Variants in SNX24 observed in about 807,000 individuals in gnomAD.
The protein encoded by SNX24 is sorting nexin 24.
A neutral mutation model predicts 28.7 loss-of-function variants in SNX24; 22 were observed. That is an observed-to-expected ratio of 0.77 (90% confidence interval 0.55 to 1.10). The LOEUF (loss-of-function observed/expected upper bound fraction) is 1.10. Among genes scored for constraint, SNX24 ranks in the 50% least tolerant of loss-of-function variants. SNX24 has a pLI of 0.00. For synonymous variants in SNX24, 69 were observed against 71.5 expected (o/e 0.96, Z 0.18); for missense variants, 221 against 201.1 (o/e 1.10, Z -0.60).
intron 3 of SNX24, among the ~76,000 whole-genome samples, chr5:122,989,389 G>A (rs1761736350): frequency 6.6e-6 from 1 of 152,054 alleles, no homozygotes; most frequent in African/African-American, 2.4e-5. Flanking sequence ...GGAAAGGGGT[G>A]GAGAAATGAG....
At position 122,950,482 on chromosome 5, in the gene SNX24, G is replaced by T. The variant is rs372043810; in HGVS notation, c.249+4323G>T. ...GCTCCTCTCTGCTTCCATGGTGCAG[G>T]CTTCATCTGGCCCCCATAGTGGTAC... On this transcript the variant is annotated intron_variant, in intron 3 of 6. Coordinates refer to ENST00000261369, the MANE Select transcript of SNX24 (RefSeq NM_014035.4). 1.1e-4 allele frequency among the ~76,000 whole-genome samples: 16 copies of T among 152,246 alleles called. No individual in the cohort carries two copies. In the East Asian group the frequency reaches 2.9e-3, roughly 28 times the overall value.
intron 1 of SNX24, among the ~76,000 whole-genome samples, chr5:122,924,042 C>T (rs1192534985): frequency 2.0e-5 from 3 of 152,248 alleles, no homozygotes; most frequent in African/African-American, 4.8e-5. Context: ...GCTTTGGATT[C>T]CATTTTGATT....
chr5:123,007,648 C>CTTTTTTTTTTTTTTTTTTTT (rs112542774), intron 6 of SNX24, 34 bp from the exon 7 acceptor site: 1 of 1,389,030 alleles, frequency 7.2e-7, no homozygotes, highest in Non-Finnish European at 9.8e-7. Flanking sequence ...AGCAGTTTTT[C>CTTTTTTTTTTTTTTTTTTTT]TTTTTTTTTT....
At chr5:122,912,296 C>T (rs1156312638) in intron 1 of SNX24, among the ~76,000 whole-genome samples, 2 of 145,814 alleles carry the variant, frequency 1.4e-5, no homozygotes, top group African/African-American at 5.2e-5. Flanking sequence ...TATAAGAATG[C>T]TTGTGATTTT....
chr5:123,012,421 G>GT (rs1237600058), downstream of SNX24, among the ~76,000 whole-genome samples: 1 of 152,154 alleles, frequency 6.6e-6, no homozygotes, highest in Non-Finnish European at 1.5e-5. Context: ...AGCAAATACT[G>GT]TATGATTCCA....
chr5:122,992,686 T>G (rs1349467150), intron 3 of SNX24, among the ~76,000 whole-genome samples: 2 of 152,252 alleles, frequency 1.3e-5, no homozygotes, highest in Non-Finnish European at 2.9e-5. Context: ...TAATTCAGTT[T>G]GTAATTTCAC....
At chr5:122,991,542 C>T (rs1761849901) in intron 3 of SNX24, among the ~76,000 whole-genome samples, 3 of 152,200 alleles carry the variant, frequency 2.0e-5, no homozygotes, top group Non-Finnish European at 4.4e-5. Context: ...TTACTGCAAC[C>T]TCTGCCTCCC....
intron 1 of SNX24, among the ~76,000 whole-genome samples, chr5:122,873,592 G>A (rs1392311233): frequency 6.6e-6 from 1 of 151,988 alleles, no homozygotes; most frequent in African/African-American, 2.4e-5. Context: ...TGGAGTGTGA[G>A]GCACAATTTC....
In SNX24 at chr5:123,014,333, A is replaced by ATTTTTT. The variant is rs70988553; in HGVS notation, n.383+12353_383+12358dup. Among the ~76,000 whole-genome samples, 37 of 77,302 alleles carry ATTTTTT rather than the reference A, an allele frequency of 4.8e-4. 5 individuals carry two copies. The highest frequency in any genetic ancestry group is 5.5e-4 in the South Asian group (1 of 1,828). 50.7% of individuals were successfully genotyped at this position (77,302 alleles called of 152,430 possible). On this transcript the variant is annotated intron_variant and non_coding_transcript_variant, in intron 5 of 5. Transcript: ENST00000502387. ...AGGCACACGCCACTGTGCCCAGCTG[A>ATTTTTT]TTTTTTTTTTTTTTTTTTTTTTTTT...
At chr5:122,959,175 G>T (rs1760355939) in intron 3 of SNX24, among the ~76,000 whole-genome samples, 3 of 152,044 alleles carry the variant, frequency 2.0e-5, no homozygotes, top group South Asian at 2.1e-4. Context: ...ACTAGTTAGA[G>T]ACCTGTTCAG....
At chr5:122,867,836 C>T (rs1229154157) in intron 1 of SNX24, among the ~76,000 whole-genome samples, 2 of 152,206 alleles carry the variant, frequency 1.3e-5, no homozygotes, top group African/African-American at 2.4e-5. Flanking sequence ...TCTTGGAAGA[C>T]ATGGTCTTCC....
At chr5:122,875,371 T>C (rs1297483355) in intron 1 of SNX24, among the ~76,000 whole-genome samples, 1 of 152,230 alleles carries the variant, frequency 6.6e-6, no homozygotes, top group Admixed American at 6.5e-5. Flanking sequence ...GGAAAATGTG[T>C]GTGTCTATGG....
At chr5:122,916,909 C>CT (rs748933481) in intron 1 of SNX24, among the ~76,000 whole-genome samples, 25 of 152,162 alleles carry the variant, frequency 1.6e-4, no homozygotes, top group Non-Finnish European at 2.9e-4. Flanking sequence ...TCCTAGCTGG[C>CT]TTTAATTCTG....
At chr5:122,845,715 A>G in intron 1 of SNX24, 22 bp downstream of exon 1, 1 of 1,347,440 alleles carries the variant, frequency 7.4e-7, no homozygotes. Context: ...CCGCGGGCGG[A>G]CAGGGCCCCG....
intron 1 of SNX24, among the ~76,000 whole-genome samples, chr5:122,856,525 C>CT (rs1184957460): frequency 0.2 from 26,011 of 131,534 alleles, 2,837 homozygotes; most frequent in East Asian, 0.36. Context: ...AGTTCTGTGT[C>CT]TTTTTTTTTT....
intron 3 of SNX24, among the ~76,000 whole-genome samples, chr5:122,983,882 G>A (rs1761489463): frequency 6.6e-6 from 1 of 152,136 alleles, no homozygotes; most frequent in African/African-American, 2.4e-5. Context: ...AGTGAAGTTG[G>A]TATGTTTGAA....
At chr5:122,907,557 T>C (rs892381837) in intron 1 of SNX24, among the ~76,000 whole-genome samples, 2 of 152,210 alleles carry the variant, frequency 1.3e-5, no homozygotes, top group Admixed American at 1.3e-4. Flanking sequence ...ATTAGGAGTC[T>C]GTCTGACTTA....
At chr5:122,868,994 G>A (rs1046315657) in intron 1 of SNX24, among the ~76,000 whole-genome samples, 38 of 152,126 alleles carry the variant, frequency 2.5e-4, no homozygotes, top group Admixed American at 9.2e-4. Flanking sequence ...AATGAGAAAC[G>A]TTTTTACATT....
chr5:122,898,571 A>G (rs925723775), intron 1 of SNX24, among the ~76,000 whole-genome samples: 1 of 152,122 alleles, frequency 6.6e-6, no homozygotes, highest in African/African-American at 2.4e-5. Context: ...TCCATCTTTG[A>G]GTTCTTTGGT....
Sources: gnomAD v4.1 joint callset for allele counts (sites outside exome capture counted in the v4.1 genomes callset) on GRCh38, gnomAD v4.1.1 for gene constraint, MANE v1.5 for transcripts, NCBI Gene and HGNC (gene_info 2026-07-23, HGNC 2026-07-21) for gene names.